CD1B: variants seen among roughly 807,000 people sequenced by gnomAD.
CD1B encodes the protein CD1b molecule, also known as T-cell surface glycoprotein CD1b.
A neutral mutation model predicts 39.8 loss-of-function variants in CD1B; 43 were observed. That is an observed-to-expected ratio of 1.08 (90% CI 0.85 to 1.39). The LOEUF is 1.39. CD1B is among the 40% of genes most tolerant of loss of function. CD1B has a pLI of 0.00. For synonymous variants in CD1B, 192 were observed against 152.5 expected (o/e 1.26, Z -1.91); for missense variants, 495 against 403.8 (o/e 1.23, Z -1.94).
the CD1B span, among the ~76,000 whole-genome samples, chr1:158,295,498 A>G: frequency 6.6e-6 from 1 of 151,882 alleles, no homozygotes; most frequent in Non-Finnish European, 1.5e-5. Context: ...CAGGGACAGG[A>G]CTCCAGCTTC....
At chr1:158,286,910 G>A in the CD1B span, among the ~76,000 whole-genome samples, 1 of 151,996 alleles carries the variant, frequency 6.6e-6, no homozygotes. Flanking sequence ...AAATTCAGGA[G>A]GGAAACTGGG....
At chr1:158,315,161 G>A in the CD1B span, among the ~76,000 whole-genome samples, 2 of 151,938 alleles carry the variant, frequency 1.3e-5, no homozygotes, top group African/African-American at 2.4e-5. Context: ...TAATCCTTTG[G>A]GTATATACTC....
chr1:158,307,739 A>T, the CD1B span, among the ~76,000 whole-genome samples: 1 of 152,190 alleles, frequency 6.6e-6, no homozygotes, highest in African/African-American at 2.4e-5. Context: ...ATCCACCCTG[A>T]TAAAGTGGGC....
chr1:158,291,420 T>C, the CD1B span: 11 of 1,608,818 alleles, frequency 6.8e-6, no homozygotes, highest in African/African-American at 1.2e-4. Flanking sequence ...ATCATCTAAA[T>C]TATGGGAGTT....
At chr1:158,326,515 TA>T (rs1386551285), downstream of CD1B, among the ~76,000 whole-genome samples, 1 of 152,210 alleles carries the variant, frequency 6.6e-6, no homozygotes, top group Non-Finnish European at 1.5e-5. Context: ...GAATAAACTG[TA>T]AAAACAATTC....
At chr1:158,302,757 A>G in the CD1B span, among the ~76,000 whole-genome samples, 10 of 152,178 alleles carry the variant, frequency 6.6e-5, no homozygotes, top group African/African-American at 1.4e-4. Flanking sequence ...CCCTGAACAG[A>G]TCAATAATGA....
chr1:158,325,089 TTCCATCAA>T (rs1487464659), downstream of CD1B, among the ~76,000 whole-genome samples: 5 of 151,424 alleles, frequency 3.3e-5, no homozygotes, highest in African/African-American at 1.2e-4. Context: ...ATTACCTTGA[TTCCATCAA>T]GGTAATAAGA....
intron 4 of CD1B, 81 bp from the exon 5 acceptor site, chr1:158,329,095 T>G: frequency 8.4e-7 from 1 of 1,188,816 alleles, no homozygotes; most frequent in Non-Finnish European, 1.2e-6. Flanking sequence ...CCCACCTACT[T>G]CCAATGTATG....
chr1:158,292,241 CTG>C, the CD1B span: 4 of 1,614,074 alleles, frequency 2.5e-6, no homozygotes, highest in South Asian at 4.4e-5. Context: ...CCCAAAGTGT[CTG>C]TCATCTACTC....
the CD1B span, among the ~76,000 whole-genome samples, chr1:158,307,426 A>G: frequency 1.3e-5 from 2 of 152,192 alleles, no homozygotes; most frequent in East Asian, 3.8e-4. Context: ...AGGCTCTGAA[A>G]TTGAGGCAAT....
chr1:158,305,369 G>A, the CD1B span, among the ~76,000 whole-genome samples: 11 of 152,244 alleles, frequency 7.2e-5, no homozygotes, highest in Middle Eastern at 3.4e-3. Context: ...AACGAAGTGA[G>A]AAGTTTAGAC....
chr1:158,329,534 C>A lies in CD1B; in HGVS notation c.722G>T (p.Gly241Val). 1.2e-6 allele frequency: 2 copies of A among 1,614,070 alleles called. No individual in the cohort carries two copies. The highest frequency in any genetic ancestry group is 2.2e-5 in the East Asian group (1 of 44,842). Residue 241 changes from glycine to valine, a missense_variant, in exon 4 of 6, where the codon GGT (glycine) becomes GTT (valine). Physicochemically the swap from Gly to Val is moderately radical, Grantham distance 109. Coordinates refer to ENST00000368168, the MANE Select transcript of CD1B (RefSeq NM_001764.3). ...CTGAGTGCCCTGCTGCTCCTGCTCA[C>A]CCCGCATCCACATCACCCACACGGG... ...PKPVWVMWMR[G>V]EQEQQGTQLG...
At chr1:158,322,168 A>T in the CD1B span, among the ~76,000 whole-genome samples, 2 of 152,282 alleles carry the variant, frequency 1.3e-5, no homozygotes, top group African/African-American at 4.8e-5. Flanking sequence ...TTGTATTCAT[A>T]CTAAAGTTAT....
the CD1B span, among the ~76,000 whole-genome samples, chr1:158,312,104 T>C: frequency 6.6e-6 from 1 of 152,176 alleles, no homozygotes; most frequent in East Asian, 1.9e-4. Context: ...ATTTTAACAA[T>C]GCCAATTATT....
At chr1:158,316,953 A>G in the CD1B span, among the ~76,000 whole-genome samples, 5 of 151,072 alleles carry the variant, frequency 3.3e-5, no homozygotes, top group Non-Finnish European at 7.4e-5. Context: ...TATATGCTGG[A>G]TTACATTTAT....
the CD1B span, among the ~76,000 whole-genome samples, chr1:158,302,730 C>G: frequency 5.9e-5 from 9 of 151,898 alleles, no homozygotes; most frequent in Non-Finnish European, 1.0e-4. Flanking sequence ...CAAAATTGAA[C>G]CAGGAAGAAA....
chr1:158,318,394 A>G, the CD1B span, among the ~76,000 whole-genome samples: 1 of 152,176 alleles, frequency 6.6e-6, no homozygotes, highest in African/African-American at 2.4e-5. Flanking sequence ...TTCTTGTTGA[A>G]TTGATCCCTT....
chr1:158,296,661 C>T, the CD1B span, among the ~76,000 whole-genome samples: 2 of 152,058 alleles, frequency 1.3e-5, no homozygotes, highest in African/African-American at 2.4e-5. Flanking sequence ...TCATGAGATT[C>T]AGGAGAAAGT....
chr1:158,325,012 G>A (rs1418151732), downstream of CD1B, among the ~76,000 whole-genome samples: 1 of 151,880 alleles, frequency 6.6e-6, no homozygotes, highest in Non-Finnish European at 1.5e-5. Context: ...GATCACTTGT[G>A]GAGAATGCCA....
Sources: allele counts gnomAD v4.1 joint callset (sites outside exome capture counted in the v4.1 genomes callset), GRCh38; gene constraint gnomAD v4.1.1; transcripts MANE v1.5; gene names NCBI Gene and HGNC (gene_info 2026-07-23, HGNC 2026-07-21).